Variants in SBNO2 observed in about 807,000 individuals in gnomAD.
SBNO2 encodes the protein strawberry notch homolog 2.
In SBNO2, 89 loss-of-function variants were observed where a neutral mutation model predicts 146.3. The ratio of observed to expected loss-of-function variants is 0.61; its 90% CI spans 0.51 to 0.73. The LOEUF is 0.73. Ranked by LOEUF, SBNO2 falls within the 30% of genes least tolerant of loss-of-function variation. The probability of loss-of-function intolerance (pLI) is 0.00; values close to 1 mark genes in which losing one functional copy is unlikely to be tolerated. For synonymous variants in SBNO2, 1,147 were observed against 892.6 expected, an observed-to-expected ratio of 1.29 and a Z score of -5.08; for missense variants, 2,092 against 2,003.7, an observed-to-expected ratio of 1.04 and a Z score of -0.84.
Position 1,119,899 on chromosome 19 carries a change from G to A in SBNO2, c.1267+7C>T, listed in dbSNP as rs747485387. On this transcript the variant is annotated splice_region_variant and intron_variant, in intron 12 of 31. Transcript: ENST00000361757. The stretch of plus-strand genomic sequence containing the variant: ...GGGTGGGTCACGTGGGATCCGCACC[G>A]CCCCACCTGTGGCGCTGGCGTAGAC... The A allele has an allele frequency of 1.9e-5, 30 of 1,539,916 alleles. No homozygotes were observed. Among genetic ancestry groups the A allele is most frequent in the Admixed American group, 3.9e-5 (2 of 50,948 alleles).
intron 4 of SBNO2, among the ~76,000 whole-genome samples, chr19:1,146,425 T>C (rs1345777247): frequency 3.3e-5 from 5 of 152,156 alleles, no homozygotes; most frequent in Non-Finnish European, 7.4e-5. Context: ...TGACCGCTTC[T>C]CTCTGGATCT....
Position 1,109,536 on chromosome 19 carries a change from G to T in SBNO2, c.3186C>A (p.Gly1062=). The change falls in exon 28 of 32, where the codon GGC becomes GGA. Residue 1062 remains glycine, a synonymous_variant. Transcript: ENST00000361757. The surrounding 1 kb of genome is among the most constrained non-coding windows in gnomAD (Gnocchi z 4.2). ...DAFAKSLALT[G]PYDGFYLSYK... ...AGGAGAGGTAGAAGCCGTCATAGGG[G>T]CCCGTCAGCGCCAGCGACTTGGCAA... 2 of 1,600,914 alleles carry T rather than the reference G, an allele frequency of 1.2e-6. No homozygotes were observed. The highest frequency in any genetic ancestry group is 1.7e-6 in the Non-Finnish European group (2 of 1,174,994).
chr19:1,154,688 C>T (rs764931710), intron 1 of SBNO2, among the ~76,000 whole-genome samples: 37 of 152,194 alleles, frequency 2.4e-4, no homozygotes, highest in Non-Finnish European at 4.7e-4. Context: ...ACAGGGCAGC[C>T]GTAGGACCAG....
At chr19:1,169,248 CT>C (rs2080455268) in intron 1 of SBNO2, 1 of 152,294 alleles carries the variant, frequency 6.6e-6, no homozygotes, top group Admixed American at 6.5e-5. Flanking sequence ...CTCTGGGCCC[CT>C]CCTCCCACCC....
Position 1,150,477 on chromosome 19 carries a change from C to T in SBNO2, c.94-1035G>A, listed in dbSNP as rs1042651085. 3.8e-4 allele frequency among the ~76,000 whole-genome samples: 58 copies of T among 151,582 alleles called. No individual in the cohort carries two copies. The highest frequency in any genetic ancestry group is 1.3e-3 in the African/African-American group (53 of 41,120). ...AGTCACGGGGGAGACCCTGCCGTCA[C>T]GGATGCCCCCACGGTCACGGGGGAG... On this transcript the variant is annotated intron_variant, in intron 2 of 31. Transcript: ENST00000361757. This position sits in a 1 kb window ranked among gnomAD's most constrained non-coding sequence, Gnocchi z 6.2.
chr19:1,121,210 G>A (rs879357970), intron 11 of SBNO2, among the ~76,000 whole-genome samples: 14 of 152,160 alleles, frequency 9.2e-5, no homozygotes, highest in Admixed American at 3.3e-4. Context: ...ATTTTAAGAC[G>A]AAAGAAAGCC....
In SBNO2 at chr19:1,122,908, T is replaced by A; in HGVS notation, c.766A>T (p.Thr256Ser). The change falls in exon 8 of 32, where the codon ACC becomes TCC. Residue 256 changes from threonine (T) to serine (S), a missense_variant. Physicochemically the swap from Thr to Ser is moderately conservative, Grantham distance 58 (BLOSUM62 1). Coordinates refer to ENST00000361757, the MANE Select transcript of SBNO2 (RefSeq NM_014963.3). ...ALSALQLEAITYACQQHEVLL... is the reference protein window; with the variant it reads ...ALSALQLEAISYACQQHEVLL... ...CATGCGGTCACCTGGCAGGCGTAGG[T>A]GATGGCCTCTAGCTGCAGGGCAGAC... 6.5e-7 allele frequency: 1 copy of A among 1,550,154 alleles called. No homozygotes were observed. Among genetic ancestry groups the A allele is most frequent in the Non-Finnish European group, 8.7e-7 (1 of 1,147,896 alleles).
At chr19:1,170,756 C>T (rs2080469654) in intron 1 of SBNO2, among the ~76,000 whole-genome samples, 1 of 152,032 alleles carries the variant, frequency 6.6e-6, no homozygotes, top group South Asian at 2.1e-4. Flanking sequence ...CGGACACGTG[C>T]ATAACGGACA....
At position 1,158,506 on chromosome 19, in the gene SBNO2, AG is replaced by A. The variant is rs1273132141; in HGVS notation, c.-126-4105del. Among the ~76,000 whole-genome samples the A allele has an allele frequency of 6.6e-6, 1 of 151,934 alleles. No homozygotes were observed. The highest frequency in any genetic ancestry group is 1.5e-5 in the Non-Finnish European group (1 of 67,926). On this transcript the variant is annotated intron_variant, in intron 1 of 31. Coordinates refer to ENST00000361757, the MANE Select transcript of SBNO2 (RefSeq NM_014963.3). The surrounding 1 kb of genome is among the most constrained non-coding windows in gnomAD (Gnocchi z 9.9). ...CATAACCGAGACCACGGGAGGACCC[AG>A]GGCGCACGGCACACCCCAGAGCGCT...
chr19:1,171,039 C>T (rs1229468564), intron 1 of SBNO2, among the ~76,000 whole-genome samples: 1 of 151,880 alleles, frequency 6.6e-6, no homozygotes, highest in Admixed American at 6.6e-5. Context: ...CACACATAAC[C>T]GACTCATGAA....
At chr19:1,118,535 C>A (rs939417528) in intron 14 of SBNO2, among the ~76,000 whole-genome samples, 1 of 151,978 alleles carries the variant, frequency 6.6e-6, no homozygotes, top group African/African-American at 2.4e-5. Flanking sequence ...GGAAGGGGGG[C>A]GGTGGTTTGG....
At chr19:1,124,517 G>C (rs552993222) in intron 5 of SBNO2, among the ~76,000 whole-genome samples, 1 of 152,290 alleles carries the variant, frequency 6.6e-6, no homozygotes, top group South Asian at 2.1e-4. Context: ...GGGCGGGCCT[G>C]GGCCTTGTCC....
rs547687245 is a variant in SBNO2 at position 1,127,509 on chromosome 19, G to A, written c.441+95C>T. The A allele has an allele frequency of 6.0e-6, 7 of 1,175,836 alleles. No individual in the cohort carries two copies. The Admixed American group carries it at 8.9e-5, about 15-fold the overall frequency. 72.8% of individuals were successfully genotyped at this position (1,175,836 alleles called of 1,614,324 possible). ...AGGCACAGCCATTGGCACGCAGAGTGGGGGAGACTGAGACCTCACTGGACC... is the reference window on the plus strand; with the variant it reads ...AGGCACAGCCATTGGCACGCAGAGTAGGGGAGACTGAGACCTCACTGGACC... On this transcript the variant is annotated intron_variant, in intron 5 of 31. Transcript: ENST00000361757.
At position 1,127,679 on chromosome 19, in the gene SBNO2, G is replaced by A. The variant is rs114545605; in HGVS notation, c.366C>T (p.Asp122=). 1.1e-3 allele frequency: 1,807 copies of A among 1,613,590 alleles called. 12 individuals are homozygous for A. The African/African-American group carries it at 0.022, about 19-fold the overall frequency. The change falls in exon 5 of 32, where the codon GAC becomes GAT. Residue 122 remains aspartate (D), a synonymous_variant. Transcript: ENST00000361757. The part of the protein sequence containing the change: ...DSLSDIVDTP[D]FLPADSLNQV... ...GGTTGAGGCTGTCAGCCGGCAGGAAGTCGGGCGTGTCCACGATGTCCGACA... is the reference window on the plus strand; with the variant it reads ...GGTTGAGGCTGTCAGCCGGCAGGAAATCGGGCGTGTCCACGATGTCCGACA...
chr19:1,161,534 TG>T (rs1248217041), intron 1 of SBNO2, among the ~76,000 whole-genome samples: 1 of 14,414 alleles, frequency 6.9e-5, no homozygotes, highest in Non-Finnish European at 1.3e-4. Flanking sequence ...GCCTGAGCAC[TG>T]GGGGGGTGGA....
chr19:1,127,675 G>A lies in SBNO2; in HGVS notation c.370C>T (p.Leu124=), dbSNP rs2079981556. 6.2e-7 allele frequency: 1 copy of A among 1,613,492 alleles called. No homozygotes were observed. Among genetic ancestry groups the A allele is most frequent in the Non-Finnish European group, 8.5e-7 (1 of 1,179,876 alleles). ...LSDIVDTPDF[L]PADSLNQVST... The stretch of plus-strand genomic sequence containing the variant: ...ACCTGGTTGAGGCTGTCAGCCGGCA[G>A]GAAGTCGGGCGTGTCCACGATGTCC... Residue 124 remains leucine (L), a synonymous_variant, in exon 5 of 32, where the codon CTG becomes TTG. Coordinates refer to ENST00000361757, the MANE Select transcript of SBNO2 (RefSeq NM_014963.3).
rs1016445297 is a variant in SBNO2 at position 1,140,808 on chromosome 19, G to A, written c.279+6501C>T. Among the ~76,000 whole-genome samples, 1 of 151,982 alleles carries A rather than the reference G, an allele frequency of 6.6e-6. No homozygotes were observed. Among genetic ancestry groups the A allele is most frequent in the African/African-American group, 2.4e-5 (1 of 41,368 alleles). On this transcript the variant is annotated intron_variant, in intron 4 of 31. Coordinates refer to ENST00000361757, the MANE Select transcript of SBNO2 (RefSeq NM_014963.3). The surrounding 1 kb of genome is among the most constrained non-coding windows in gnomAD (Gnocchi z 4.4). ...AGCCTTGGGTCTTCCCCCAGGCTGA[G>A]AGAAACAGGAAATGGATGGTGAAGG...
intron 17 of SBNO2, 119 bp from the exon 18 acceptor site, chr19:1,114,541 A>C: frequency 2.5e-6 from 2 of 802,112 alleles, no homozygotes; most frequent in South Asian, 2.3e-5. Context: ...CCATCCGAGA[A>C]CCCCCTGCCT....
chr19:1,132,296 G>T (rs1285034918), intron 4 of SBNO2: 3 of 1,311,832 alleles, frequency 2.3e-6, no homozygotes, highest in Non-Finnish European at 9.7e-7. Context: ...CGCCGCCGGC[G>T]CCTACTTCCT....
Sources: allele counts gnomAD v4.1 joint callset (sites outside exome capture counted in the v4.1 genomes callset), GRCh38; gene constraint gnomAD v4.1.1; non-coding constraint Gnocchi (gnomAD v3.1); transcripts MANE v1.5; gene names NCBI Gene and HGNC (gene_info 2026-07-23, HGNC 2026-07-21).